The following SYCP2 variants were observed in gnomAD, a reference collection of about 807,000 sequenced individuals.
SYCP2 encodes the protein synaptonemal complex lateral element protein.
SYCP2 carries 55 observed loss-of-function variants against 211.3 expected under a neutral mutation model. The ratio of observed to expected loss-of-function variants is 0.26; its 90% CI spans 0.21 to 0.33. The LOEUF (loss-of-function observed/expected upper bound fraction) is 0.33. SYCP2 is among the 10% of genes least tolerant of loss of function. The pLI is 1.00. For missense variants in SYCP2, 1,731 were observed against 1,752.0 expected (o/e 0.99, Z 0.21); for synonymous variants, 570 against 555.2 (o/e 1.03, Z -0.37).
At chr20:59,929,265 G>C (rs558538662) in intron 2 of SYCP2, among the ~76,000 whole-genome samples, 1 of 152,100 alleles carries the variant, frequency 6.6e-6, no homozygotes, top group East Asian at 1.9e-4. Context: ...CGAAGTCACA[G>C]TGGGAATAAA....
intron 31 of SYCP2, among the ~76,000 whole-genome samples, chr20:59,879,249 T>C (rs6070992): frequency 0.02 from 3,032 of 152,116 alleles, 42 homozygotes; most frequent in Middle Eastern, 0.041. Flanking sequence ...TACCAAATAC[T>C]TCAATACTGC....
intron 17 of SYCP2, 53 bp from the exon 18 acceptor site, chr20:59,900,337 AATC>A: frequency 6.9e-7 from 1 of 1,443,420 alleles, no homozygotes; most frequent in Non-Finnish European, 9.3e-7. Flanking sequence ...CACAGAAAGT[AATC>A]AACAATCACT....
intron 15 of SYCP2, among the ~76,000 whole-genome samples, chr20:59,903,043 C>T (rs545435125): frequency 4.6e-5 from 7 of 152,212 alleles, no homozygotes; most frequent in African/African-American, 1.7e-4. Context: ...CTTGCTTGCA[C>T]ATGGTATTAG....
intron 19 of SYCP2, 32 bp from the exon 20 acceptor site, chr20:59,895,629 C>G: frequency 6.2e-7 from 1 of 1,604,632 alleles, no homozygotes; most frequent in Middle Eastern, 1.7e-4. Context: ...GCAGATTTTT[C>G]TTTTTTTACC....
rs774369578 is a variant in SYCP2 at position 59,900,709 on chromosome 20, C to T, written c.1257+35G>A. 5.2e-6 allele frequency: 8 copies of T among 1,531,896 alleles called. No homozygotes were observed. In the Admixed American group the frequency reaches 1.0e-4, roughly 19 times the overall value. The allele number at this position is 1,531,896 out of a possible 1,614,324, so 94.9% of individuals were successfully genotyped here. ...TTCCATTAGTTATGGTTAAACTTAGCCCAGTGATAAAAATCAAGTAAGTCT... is the reference window on the plus strand; with the variant it reads ...TTCCATTAGTTATGGTTAAACTTAGTCCAGTGATAAAAATCAAGTAAGTCT... On this transcript the variant is annotated intron_variant, in intron 17 of 44. Transcript: ENST00000357552.
chr20:59,893,656 A>C, intron 20 of SYCP2, 63 bp from the exon 21 acceptor site: 1 of 1,234,316 alleles, frequency 8.1e-7, no homozygotes, highest in South Asian at 1.5e-5. Context: ...TAAATGTTAC[A>C]GTATTAAGGT....
intron 15 of SYCP2, among the ~76,000 whole-genome samples, chr20:59,906,477 C>T (rs4812140): frequency 0.98 from 149,335 of 152,226 alleles, 73,267 homozygotes; most frequent in East Asian, 1. Flanking sequence ...CAAATAATCC[C>T]GTAATAACTG....
In SYCP2 at chr20:59,879,058, G is replaced by A. The variant is rs192445236; in HGVS notation, c.2942-1013C>T. 3.5e-3 allele frequency among the ~76,000 whole-genome samples: 529 copies of A among 151,960 alleles called. 3 individuals carry two copies. Among genetic ancestry groups the A allele is most frequent in the African/African-American group, 0.011 (454 of 41,452 alleles). On this transcript the variant is annotated intron_variant, in intron 31 of 44. Transcript: ENST00000357552. Reference sequence around the variant, plus strand: ...GATGACACTAACCTCTAACATCTTCGTGAGATCTCTAATCTTCTACTTTAT... The same window carrying A: ...GATGACACTAACCTCTAACATCTTCATGAGATCTCTAATCTTCTACTTTAT...
In SYCP2 at chr20:59,864,212, G is replaced by A. The variant is rs998474008; in HGVS notation, c.*99C>T. On this transcript the variant is annotated 3_prime_UTR_variant, in exon 45 of 45. Transcript: ENST00000357552. ...TTCCTATAAAGGGTACACTTGCTTC[G>A]GTGACATGTATATTTTTCTCTTTGT... is the stretch of plus-strand genomic sequence containing the variant. 2.9e-5 allele frequency: 24 copies of A among 816,302 alleles called. No individual in the cohort carries two copies. The highest frequency in any genetic ancestry group is 1.4e-4 in the African/African-American group (8 of 55,364). The allele number at this position is 816,302 out of a possible 1,614,324, so 50.6% of individuals were successfully genotyped here. A position where few individuals can be genotyped will look rare whatever the true frequency, so the allele number is the denominator to read the frequency against.
rs971315047 is a variant in SYCP2, at chr20:59,868,336, T to C, written c.3988+77A>G. On this transcript the variant is annotated intron_variant, in intron 38 of 44. Coordinates refer to ENST00000357552, the MANE Select transcript of SYCP2 (RefSeq NM_014258.4). ...CAAAGTTGTCTTTACAAATTTGTTT[T>C]GTAAATAGACTCATTCAAAATATAA... The C allele has an allele frequency of 2.7e-6, 4 of 1,475,326 alleles. No individual in the cohort carries two copies. The African/African-American group carries it at 4.3e-5, about 16-fold the overall frequency. The allele number at this position is 1,475,326 out of a possible 1,614,324, so 91.4% of individuals were successfully genotyped here.
chr20:59,900,678 T>C, intron 17 of SYCP2, 66 bp downstream of exon 17: 1 of 1,261,402 alleles, frequency 7.9e-7, no homozygotes, highest in Non-Finnish European at 1.1e-6. Flanking sequence ...AACACCTTTA[T>C]TACTGTTCCA....
rs538525767 is a variant in SYCP2 at position 59,893,138 on chromosome 20, T to A, written c.1793+4A>T. 6 of 1,593,266 alleles carry A rather than the reference T, an allele frequency of 3.8e-6. No individual in the cohort carries two copies. In the South Asian group the frequency reaches 5.6e-5, roughly 15 times the overall value. Reference sequence around the variant, plus strand: ...AAATGATTTGATGGTTTTCTCATACTTACATAGTATGATCTCTTTTTTCCG... The same window carrying A: ...AAATGATTTGATGGTTTTCTCATACATACATAGTATGATCTCTTTTTTCCG... On this transcript the variant is annotated splice_donor_region_variant and intron_variant, in intron 22 of 44. Coordinates refer to ENST00000357552, the MANE Select transcript of SYCP2 (RefSeq NM_014258.4).
intron 24 of SYCP2, 61 bp from the exon 25 acceptor site, chr20:59,886,895 G>A: frequency 7.3e-7 from 1 of 1,372,428 alleles, no homozygotes; most frequent in Non-Finnish European, 9.8e-7. Flanking sequence ...GAAAAATAAA[G>A]GCTGAAAAAA....
At chr20:59,896,628 GAT>G (rs767411480) in intron 18 of SYCP2, 100 bp from the exon 19 acceptor site, 29 of 597,848 alleles carry the variant, frequency 4.9e-5, no homozygotes, top group South Asian at 1.1e-4. Flanking sequence ...ACATGCCAAA[GAT>G]ATATGTTTTT....
intron 2 of SYCP2, among the ~76,000 whole-genome samples, chr20:59,931,153 C>A (rs1424011835): frequency 1.3e-5 from 2 of 152,204 alleles, no homozygotes; most frequent in African/African-American, 2.4e-5. Flanking sequence ...TGGCTTATGT[C>A]TGTAATGCTG....
chr20:59,906,178 C>G (rs539317360), intron 15 of SYCP2, among the ~76,000 whole-genome samples: 6 of 152,018 alleles, frequency 3.9e-5, no homozygotes, highest in African/African-American at 1.2e-4. Context: ...GTCATAATTC[C>G]AGCAAGCAAT....
rs754349481 is a variant in SYCP2, at chr20:59,873,879, G to T, written c.3532C>A (p.Pro1178Thr). The T allele has an allele frequency of 1.2e-6, 2 of 1,611,570 alleles. No homozygotes were observed. The highest frequency in any genetic ancestry group is 1.7e-6 in the Non-Finnish European group (2 of 1,179,178). Residue 1178 changes from proline (P) to threonine (T), a missense_variant, in exon 35 of 45, where the codon CCA becomes ACA. By Grantham distance (38) the Pro-to-Thr change is conservative (BLOSUM62 -1). Transcript: ENST00000357552. ...NFLCASESCS[P>T]IPRPLFLPRH... ...ACCAAAAACAGTGGTCGTGGAATTGGTGAACAACTTTCACTTGCACACAGG... is the reference window on the plus strand; with the variant it reads ...ACCAAAAACAGTGGTCGTGGAATTGTTGAACAACTTTCACTTGCACACAGG...
intron 32 of SYCP2, among the ~76,000 whole-genome samples, chr20:59,877,764 G>A (rs537237203): frequency 6.6e-6 from 1 of 152,102 alleles, no homozygotes; most frequent in East Asian, 1.9e-4. Flanking sequence ...AAGTCCCTGA[G>A]AAGCCTGATA....
chr20:59,900,258 T>C lies in SYCP2; in HGVS notation c.1284A>G (p.Ser428=). 6.2e-7 allele frequency: 1 copy of C among 1,608,576 alleles called. No homozygotes were observed. Among genetic ancestry groups the C allele is most frequent in the Non-Finnish European group, 8.5e-7 (1 of 1,178,496 alleles). ...AACTAACGAGCTCTTCTCCGACTGGTGAGATTTGACTTTCTGGCACTAGAA... is the reference window on the plus strand; with the variant it reads ...AACTAACGAGCTCTTCTCCGACTGGCGAGATTTGACTTTCTGGCACTAGAA... ...SQILVPESQI[S]PVGEELVSLK... The change falls in exon 18 of 45, where the codon TCA becomes TCG. Residue 428 remains serine (S), a synonymous_variant. Transcript: ENST00000357552.
Sources: gnomAD v4.1 joint callset for allele counts (sites outside exome capture counted in the v4.1 genomes callset) on GRCh38, gnomAD v4.1.1 for gene constraint, MANE v1.5 for transcripts, NCBI Gene and HGNC (gene_info 2026-07-23, HGNC 2026-07-21) for gene names.